The following SYCP1 variants were observed in gnomAD, a reference collection of about 807,000 sequenced individuals.
SYCP1 encodes cancer/testis antigen 8.
SYCP1 carries 64 observed loss-of-function variants against 153.1 expected under a neutral mutation model. The ratio of observed to expected loss-of-function variants is 0.42; its 90% CI spans 0.34 to 0.51. The LOEUF is 0.51. Ranked by LOEUF, SYCP1 falls within the 20% of genes least tolerant of loss-of-function variation. The pLI is 0.06. For synonymous variants in SYCP1, 384 were observed against 341.8 expected, an observed-to-expected ratio of 1.12 and a Z score of -1.36; for missense variants, 997 against 1,049.0, an observed-to-expected ratio of 0.95 and a Z score of 0.68.
chr1:114,860,698 T>G (rs927078326), intron 7 of SYCP1, 38 bp from the exon 8 acceptor site: 4 of 1,421,652 alleles, frequency 2.8e-6, no homozygotes, highest in Non-Finnish European at 3.9e-6. Context: ...TGCTTTGAGA[T>G]CAGATTACAC....
rs751485273 is a variant in SYCP1, at chr1:114,944,769, T to G, written c.2044-103T>G. On this transcript the variant is annotated intron_variant, in intron 24 of 31. Transcript: ENST00000369522. ...TCTACTTGTTTTTCCAGTTTCCTGG[T>G]GTTTGAGGTTTGCTTTTATTTAAGT... The G allele has an allele frequency of 5.9e-6, 5 of 840,996 alleles. No homozygotes were observed. The Admixed American group carries it at 1.5e-4, about 26-fold the overall frequency. The allele number at this position is 840,996 out of a possible 1,614,324, so 52.1% of individuals were successfully genotyped here.
chr1:114,970,929 A>T (rs1672449016), intron 27 of SYCP1, among the ~76,000 whole-genome samples: 1 of 152,102 alleles, frequency 6.6e-6, no homozygotes, highest in Non-Finnish European at 1.5e-5. Flanking sequence ...CAAGTTCAGG[A>T]CCTCTGGTTA....
intron 16 of SYCP1, among the ~76,000 whole-genome samples, chr1:114,900,382 G>A (rs1176750186): frequency 6.6e-6 from 1 of 152,070 alleles, no homozygotes; most frequent in Non-Finnish European, 1.5e-5. Context: ...CCAGGTTCAA[G>A]TGATTTTCCT....
chr1:114,874,418 T>G, intron 8 of SYCP1, 88 bp from the exon 9 acceptor site: 2 of 765,812 alleles, frequency 2.6e-6, no homozygotes, highest in Non-Finnish European at 4.4e-6. Context: ...ATTTTAAATA[T>G]TTTAATGTTT....
Position 114,939,946 on chromosome 1 carries a change from G to A in SYCP1, c.1927-4393G>A, listed in dbSNP as rs185094703. 1.0e-3 allele frequency among the ~76,000 whole-genome samples: 158 copies of A among 152,212 alleles called. 2 individuals are homozygous for A. The highest frequency in any genetic ancestry group is 3.7e-3 in the African/African-American group (153 of 41,536). ...ATAATATTTTTCTGGGTTTCATCCA[G>A]TTCATCTACATTTTCTACAGTTTCA... On this transcript the variant is annotated intron_variant, in intron 23 of 31. Coordinates refer to ENST00000369522, the MANE Select transcript of SYCP1 (RefSeq NM_003176.4).
intron 22 of SYCP1, 52 bp from the exon 23 acceptor site, chr1:114,926,449 G>A: frequency 6.7e-7 from 1 of 1,491,272 alleles, no homozygotes; most frequent in Non-Finnish European, 9.0e-7. Context: ...TCAGTAGCAA[G>A]GTAAGTTTGA....
rs575173003 is a variant in SYCP1, at chr1:114,878,156, G to T, written c.864G>T (p.Leu288=). ...ATAAAATGAAAGATTTAACATTTCT[G>T]CTAGAGGAATCCAGAGATAAAGTTA... is the stretch of plus-strand genomic sequence containing the variant. The part of the protein sequence containing the change: ...KENKMKDLTF[L]LEESRDKVNQ... The change falls in exon 12 of 32, where the codon CTG becomes CTT. Residue 288 remains leucine (L), a synonymous_variant. Transcript: ENST00000369522. 2 of 1,589,312 alleles carry T rather than the reference G, an allele frequency of 1.3e-6. No homozygotes were observed. The highest frequency in any genetic ancestry group is 1.1e-5 in the South Asian group (1 of 89,800).
chr1:114,925,761 C>T (rs1319437433), intron 21 of SYCP1, among the ~76,000 whole-genome samples: 7 of 151,624 alleles, frequency 4.6e-5, no homozygotes, highest in Admixed American at 1.3e-4. Context: ...TTAAAAAATT[C>T]GAGATAAACT....
chr1:114,910,407 A>C lies in SYCP1; in HGVS notation c.1331A>C (p.Glu444Ala), dbSNP rs374903048. The C allele has an allele frequency of 5.0e-6, 8 of 1,590,898 alleles. No individual in the cohort carries two copies. The highest frequency in any genetic ancestry group is 6.9e-6 in the Non-Finnish European group (8 of 1,167,090). The change falls in exon 17 of 32, where the codon GAA (glutamate) becomes GCA (alanine). Residue 444 changes from glutamate (E) to alanine (A), a missense_variant. Physicochemically the swap from Glu to Ala is moderately radical, Grantham distance 107. Transcript: ENST00000369522. The stretch of plus-strand genomic sequence containing the variant: ...AATGTTTATAAATAGGGAGAAAAGG[A>C]AACACTTTTATATGAAAATAAACAA... The part of the protein sequence containing the change: ...EELKKVLGEK[E>A]TLLYENKQFE...
At chr1:114,872,714 CT>C (rs1312625091) in intron 8 of SYCP1, among the ~76,000 whole-genome samples, 1 of 152,084 alleles carries the variant, frequency 6.6e-6, no homozygotes, top group Admixed American at 6.5e-5. Context: ...TCTTTCTAGT[CT>C]TTTTTCTCTT....
chr1:114,874,623 G>A (rs892813332), intron 9 of SYCP1, 59 bp downstream of exon 9: 80 of 1,039,482 alleles, frequency 7.7e-5, no homozygotes, highest in Middle Eastern at 2.1e-4. Context: ...AAATTAGAGC[G>A]ATTGCTACAA....
chr1:114,957,414 T>C (rs1420820324), intron 27 of SYCP1, among the ~76,000 whole-genome samples: 1 of 152,096 alleles, frequency 6.6e-6, no homozygotes, highest in Non-Finnish European at 1.5e-5. Flanking sequence ...TCAAAAAGCA[T>C]AGGCAATGAA....
At chr1:114,961,233 C>T (rs1671764494) in intron 27 of SYCP1, among the ~76,000 whole-genome samples, 1 of 152,014 alleles carries the variant, frequency 6.6e-6, no homozygotes, top group African/African-American at 2.4e-5. Flanking sequence ...TTTGAATCTT[C>T]TCTTTTCTTG....
At chr1:114,930,391 A>G (rs1017969052) in intron 23 of SYCP1, among the ~76,000 whole-genome samples, 20 of 152,016 alleles carry the variant, frequency 1.3e-4, no homozygotes, top group Non-Finnish European at 2.7e-4. Context: ...GAAAATATCA[A>G]TAAAGCTGAT....
chr1:114,869,166 C>T (rs997129258), intron 8 of SYCP1, among the ~76,000 whole-genome samples: 1 of 152,124 alleles, frequency 6.6e-6, no homozygotes, highest in African/African-American at 2.4e-5. Flanking sequence ...CCAATTTATG[C>T]ATTCAATGCT....
chr1:114,888,118 G>A (rs1324022180), intron 15 of SYCP1, among the ~76,000 whole-genome samples: 3 of 151,878 alleles, frequency 2.0e-5, no homozygotes, highest in East Asian at 1.9e-4. Context: ...TTTATCATAA[G>A]GTGTTATTAA....
chr1:114,886,335 A>G (rs1304672024), intron 14 of SYCP1, 26 bp downstream of exon 14: 1 of 1,470,366 alleles, frequency 6.8e-7, no homozygotes, highest in Non-Finnish European at 9.0e-7. Flanking sequence ...TTTTTAATAC[A>G]CAAAATAAGT....
At chr1:114,882,696 C>T (rs1191733225) in intron 12 of SYCP1, among the ~76,000 whole-genome samples, 1 of 151,890 alleles carries the variant, frequency 6.6e-6, no homozygotes, top group Non-Finnish European at 1.5e-5. Context: ...AAAAAGATTA[C>T]TTGTAGGAAT....
At chr1:114,947,160 A>C in intron 26 of SYCP1, 86 bp from the exon 27 acceptor site, 1 of 980,010 alleles carries the variant, frequency 1.0e-6, no homozygotes, top group Admixed American at 2.3e-5. Context: ...TACAATATTA[A>C]ATTTACTCAG....
Sources: allele counts gnomAD v4.1 joint callset (sites outside exome capture counted in the v4.1 genomes callset), GRCh38; gene constraint gnomAD v4.1.1; transcripts MANE v1.5; gene names NCBI Gene and HGNC (gene_info 2026-07-23, HGNC 2026-07-21).